TSPAN2: variants seen among roughly 807,000 people sequenced by gnomAD.
The protein encoded by TSPAN2 is tetraspanin-2.
In TSPAN2, 24 loss-of-function variants were observed where a neutral mutation model predicts 33.3. The ratio of observed to expected loss-of-function variants is 0.72; its 90% CI spans 0.52 to 1.01. The LOEUF is 1.01. Among genes scored for constraint, TSPAN2 ranks in the 50% least tolerant of loss-of-function variants. The pLI is 0.00. For synonymous variants in TSPAN2, 114 were observed against 104.5 expected (o/e 1.09, Z -0.56); for missense variants, 278 against 281.3 (o/e 0.99, Z 0.08).
At chr1:115,057,214 C>G (rs986277056) in intron 6 of TSPAN2, among the ~76,000 whole-genome samples, 4 of 152,178 alleles carry the variant, frequency 2.6e-5, no homozygotes, top group African/African-American at 9.7e-5. Context: ...TCCTCTCTCC[C>G]TCAGCTCCAT....
At chr1:115,083,407 G>A (rs1648705333) in intron 1 of TSPAN2, among the ~76,000 whole-genome samples, 1 of 152,166 alleles carries the variant, frequency 6.6e-6, no homozygotes, top group South Asian at 2.1e-4. Flanking sequence ...CTTAATAAAG[G>A]TAAAGTGGTA....
intron 1 of TSPAN2, among the ~76,000 whole-genome samples, chr1:115,079,583 AAATCAAGGGT>A (rs1426891949): frequency 6.6e-6 from 1 of 152,202 alleles, no homozygotes; most frequent in Non-Finnish European, 1.5e-5. Context: ...CATTTCTTCA[AAATCAAGGGT>A]TTTATCAGAA....
chr1:115,062,316 A>C, intron 2 of TSPAN2, 84 bp from the exon 3 acceptor site: 1 of 1,017,488 alleles, frequency 9.8e-7, no homozygotes, highest in Non-Finnish European at 1.5e-6. Flanking sequence ...TGGGCACTGC[A>C]GAGCATTCTA....
rs747144268 is a variant in TSPAN2, at chr1:115,089,451, G to T, written c.-19C>A. The T allele has an allele frequency of 6.5e-7, 1 of 1,543,980 alleles. No individual in the cohort carries two copies. The highest frequency in any genetic ancestry group is 1.2e-5 in the South Asian group (1 of 83,862). Reference sequence around the variant, plus strand: ...GCCCCATGCTGCGGCCCGGCGGCGGGATCCCCAGTCCCCAGGCCCGCGCTA... The same window carrying T: ...GCCCCATGCTGCGGCCCGGCGGCGGTATCCCCAGTCCCCAGGCCCGCGCTA... On this transcript the variant is annotated 5_prime_UTR_variant, in exon 1 of 8. Transcript: ENST00000369516.
Position 115,089,442 on chromosome 1 carries a change from C to A in TSPAN2, c.-10G>T, listed in dbSNP as rs1277898193. ...CGCGGAAGCGCCCCATGCTGCGGCC[C>A]GGCGGCGGGATCCCCAGTCCCCAGG... On this transcript the variant is annotated 5_prime_UTR_variant, in exon 1 of 8. Coordinates refer to ENST00000369516, the MANE Select transcript of TSPAN2 (RefSeq NM_005725.6). 1.9e-6 allele frequency: 3 copies of A among 1,550,186 alleles called. No individual in the cohort carries two copies. The highest frequency in any genetic ancestry group is 1.9e-5 in the Admixed American group (1 of 52,940).
Position 115,089,368 on chromosome 1 carries a change from A to G in TSPAN2, c.65T>C (p.Phe22Ser), listed in dbSNP as rs1357900209. Residue 22 changes from phenylalanine to serine, a missense_variant, in exon 1 of 8, where the codon TTC (phenylalanine) becomes TCC (serine). Coordinates refer to ENST00000369516, the MANE Select transcript of TSPAN2 (RefSeq NM_005725.6). ...CCTCCCGGCTCCTGGTCTCACCCAGAAGAGCAGGTTGAAGCCAAGCAGCAG... is the reference window on the plus strand; with the variant it reads ...CCTCCCGGCTCCTGGTCTCACCCAGGAGAGCAGGTTGAAGCCAAGCAGCAG... Reference protein sequence around the residue: ...KYLLLGFNLLFWLAGSAVIAF... With the variant: ...KYLLLGFNLLSWLAGSAVIAF... The G allele has an allele frequency of 3.8e-6, 6 of 1,588,758 alleles. No homozygotes were observed. The highest frequency in any genetic ancestry group is 1.7e-6 in the Non-Finnish European group (2 of 1,168,784).
chr1:115,057,420 C>T, intron 6 of TSPAN2, 117 bp downstream of exon 6: 1 of 962,210 alleles, frequency 1.0e-6, no homozygotes, highest in Non-Finnish European at 1.7e-6. Flanking sequence ...ATCCTCTATG[C>T]TGCCACTAGA....
intron 2 of TSPAN2, among the ~76,000 whole-genome samples, chr1:115,066,695 T>A (rs914324040): frequency 3.9e-5 from 6 of 152,158 alleles, no homozygotes; most frequent in Non-Finnish European, 5.9e-5. Flanking sequence ...TTATTTGAAA[T>A]TTTTTTATGT....
At chr1:115,079,026 G>T (rs1425642263) in intron 1 of TSPAN2, among the ~76,000 whole-genome samples, 1 of 152,142 alleles carries the variant, frequency 6.6e-6, no homozygotes, top group Non-Finnish European at 1.5e-5. Flanking sequence ...GCAGGAATGT[G>T]TGTTGTGTAC....
chr1:115,076,545 C>T (rs139573500), intron 1 of TSPAN2, among the ~76,000 whole-genome samples: 6 of 152,274 alleles, frequency 3.9e-5, no homozygotes, highest in East Asian at 1.9e-4. Context: ...GTGAGAACTA[C>T]GAACTCACTG....
chr1:115,064,114 T>A (rs1224769687), intron 2 of TSPAN2, among the ~76,000 whole-genome samples: 1 of 152,202 alleles, frequency 6.6e-6, no homozygotes, highest in Non-Finnish European at 1.5e-5. Context: ...ACTTCCATCA[T>A]CTTATTGGCT....
intron 1 of TSPAN2, among the ~76,000 whole-genome samples, chr1:115,088,362 C>A (rs1054685437): frequency 1.3e-5 from 2 of 152,172 alleles, no homozygotes; most frequent in Admixed American, 1.3e-4. Context: ...CCTGGCTGCT[C>A]TCAAACCTCT....
At chr1:115,083,200 T>G (rs536586187) in intron 1 of TSPAN2, among the ~76,000 whole-genome samples, 1 of 152,278 alleles carries the variant, frequency 6.6e-6, no homozygotes, top group East Asian at 1.9e-4. Flanking sequence ...CATCACTTGT[T>G]TTAAGGGAGC....
chr1:115,086,736 C>A (rs1199054433), intron 1 of TSPAN2, among the ~76,000 whole-genome samples: 1 of 152,124 alleles, frequency 6.6e-6, no homozygotes, highest in Non-Finnish European at 1.5e-5. Context: ...ATGAGATGAG[C>A]AGCTTAGGGA....
At chr1:115,088,242 AG>A (rs1375944032) in intron 1 of TSPAN2, among the ~76,000 whole-genome samples, 1 of 152,228 alleles carries the variant, frequency 6.6e-6, no homozygotes. Flanking sequence ...CAGACAAAAG[AG>A]GAGCCCATCA....
At chr1:115,088,855 A>G (rs1039331156) in intron 1 of TSPAN2, among the ~76,000 whole-genome samples, 22 of 152,040 alleles carry the variant, frequency 1.4e-4, no homozygotes, top group Non-Finnish European at 1.3e-4. Flanking sequence ...CCAATTTCCT[A>G]AACAAAACCA....
At chr1:115,062,624 G>C (rs1394126795) in intron 2 of TSPAN2, among the ~76,000 whole-genome samples, 1 of 152,184 alleles carries the variant, frequency 6.6e-6, no homozygotes, top group Non-Finnish European at 1.5e-5. Flanking sequence ...CTAAAGCCAA[G>C]CCTTTTTGTA....
intron 7 of TSPAN2, 91 bp downstream of exon 7, chr1:115,053,288 C>T: frequency 8.7e-7 from 1 of 1,148,102 alleles, no homozygotes. Flanking sequence ...AGAATTCTCT[C>T]TTAAGATACT....
chr1:115,062,186 C>A lies in TSPAN2; in HGVS notation c.219G>T (p.Gly73=), dbSNP rs763102744. The A allele has an allele frequency of 1.9e-6, 3 of 1,600,360 alleles. No homozygotes were observed. Among genetic ancestry groups the A allele is most frequent in the African/African-American group, 1.3e-5 (1 of 74,608 alleles). The change falls in exon 3 of 8, where the codon GGG becomes GGT. Residue 73 remains glycine (G), a synonymous_variant. Transcript: ENST00000369516. Reference sequence around the variant, plus strand: ...GCATGGCTCCGCAGCACCCGAAGAACCCCACGGCCATCATCAGGGCCCCGG... The same window carrying A: ...GCATGGCTCCGCAGCACCCGAAGAAACCCACGGCCATCATCAGGGCCCCGG... The part of the protein sequence containing the change: ...VGAGALMMAV[G]FFGCCGAMRE...
Sources: allele counts gnomAD v4.1 joint callset (sites outside exome capture counted in the v4.1 genomes callset), GRCh38; gene constraint gnomAD v4.1.1; transcripts MANE v1.5; gene names NCBI Gene and HGNC (gene_info 2026-07-23, HGNC 2026-07-21).